Variants in MAU2 observed in about 807,000 individuals in gnomAD.
MAU2 encodes MAU2 chromatid cohesion factor homolog.
In MAU2, 9 loss-of-function variants were observed where a neutral mutation model predicts 89.1. The ratio of observed to expected loss-of-function variants is 0.10; its 90% CI spans 0.06 to 0.18. MAU2 has a LOEUF of 0.18. Ranked by LOEUF, MAU2 falls within the 10% of genes least tolerant of loss-of-function variation. The probability of loss-of-function intolerance (pLI) is 1.00; values close to 1 mark genes in which losing one functional copy is unlikely to be tolerated. For synonymous variants in MAU2, 357 were observed against 343.4 expected (o/e 1.04, Z -0.44); for missense variants, 425 against 803.5 (o/e 0.53, Z 5.69).
At chr19:19,354,667 G>A in intron 17 of MAU2, 1 of 568,886 alleles carries the variant, frequency 1.8e-6, no homozygotes, top group Non-Finnish European at 3.2e-6. Context: ...AGTCTCTATA[G>A]GACACAGAGG....
chr19:19,324,218 A>G (rs980586437), intron 1 of MAU2, among the ~76,000 whole-genome samples: 3 of 152,156 alleles, frequency 2.0e-5, no homozygotes, highest in African/African-American at 7.2e-5. Flanking sequence ...AGGTAGTGAG[A>G]GAGTCTCTAT....
rs539376945 is a variant in MAU2, at chr19:19,348,321, G to A, written c.1309-568G>A. 17 of 181,894 alleles carry A rather than the reference G, an allele frequency of 9.3e-5. No homozygotes were observed. In the East Asian group the frequency reaches 3.0e-3, roughly 32 times the overall value. The allele number at this position is 181,894 out of a possible 1,614,324, so 11.3% of individuals were successfully genotyped here. On this transcript the variant is annotated intron_variant, in intron 13 of 18. Coordinates refer to ENST00000262815, the MANE Select transcript of MAU2 (RefSeq NM_015329.4). ...GAGGGCTGCAGTGAGCCATGATCCA[G>A]CCACTGCACTCCAGCCTGGGCGACA...
chr19:19,348,829 C>CT, intron 13 of MAU2, 60 bp from the exon 14 acceptor site: 1 of 1,568,050 alleles, frequency 6.4e-7, no homozygotes. Context: ...TGCAGTGTGT[C>CT]TTGGGGACCT....
intron 1 of MAU2, among the ~76,000 whole-genome samples, chr19:19,328,144 A>T (rs1306720546): frequency 6.7e-6 from 1 of 150,092 alleles, no homozygotes; most frequent in Non-Finnish European, 1.5e-5. Context: ...TGGGTGACAG[A>T]GAGAGACCCT....
At chr19:19,354,037 A>G (rs1166188399) in intron 16 of MAU2, 2 of 392,806 alleles carry the variant, frequency 5.1e-6, no homozygotes, top group Non-Finnish European at 9.7e-6. Flanking sequence ...ATCAGCCCCC[A>G]TTGTGGGTCT....
chr19:19,327,759 C>T (rs564438926), intron 1 of MAU2, among the ~76,000 whole-genome samples: 7 of 152,012 alleles, frequency 4.6e-5, no homozygotes, highest in Admixed American at 1.3e-4. Flanking sequence ...ACCTGCCGGC[C>T]GCCTTGTTCC....
intron 16 of MAU2, among the ~76,000 whole-genome samples, chr19:19,350,057 G>A (rs915443109): frequency 2.0e-5 from 3 of 150,898 alleles, no homozygotes; most frequent in Admixed American, 6.6e-5. Flanking sequence ...CACTTTGGGA[G>A]GCCAAGGCGG....
rs2061645697 is a variant in MAU2 at position 19,341,407 on chromosome 19, G to A, written c.735G>A (p.Gln245=). 6.2e-7 allele frequency: 1 copy of A among 1,613,478 alleles called. No homozygotes were observed. The highest frequency in any genetic ancestry group is 8.5e-7 in the Non-Finnish European group (1 of 1,179,966). Residue 245 remains glutamine, a splice_region_variant and synonymous_variant, in exon 7 of 19, where the codon CAG becomes CAA. Coordinates refer to ENST00000262815, the MANE Select transcript of MAU2 (RefSeq NM_015329.4). ...TCACCCACTATCTGGATGCCGGGCAGGTGTGTGGCGCCTCTCAGGCGAGCT... is the reference window on the plus strand; with the variant it reads ...TCACCCACTATCTGGATGCCGGGCAAGTGTGTGGCGCCTCTCAGGCGAGCT... ...LQVTHYLDAG[Q]VKSVKPCLKQ...
At position 19,355,897 on chromosome 19, in the gene MAU2, C is replaced by G; in HGVS notation, c.*115C>G. ...CCTTCCTGATTGTCTCTAGAGCTTC[C>G]AAGTCCTGGGAATGTGCGGGGCCAG... is the stretch of plus-strand genomic sequence containing the variant. On this transcript the variant is annotated 3_prime_UTR_variant, in exon 19 of 19. Transcript: ENST00000262815. 1 of 1,050,180 alleles carries G rather than the reference C, an allele frequency of 9.5e-7. No homozygotes were observed. The highest frequency in any genetic ancestry group is 1.3e-5 in the South Asian group (1 of 78,492). 65.1% of individuals were successfully genotyped at this position (1,050,180 alleles called of 1,614,324 possible). A position where few individuals can be genotyped will look rare whatever the true frequency, so the allele number is the denominator to read the frequency against.
intron 4 of MAU2, among the ~76,000 whole-genome samples, chr19:19,337,542 G>A (rs1040046710): frequency 8.5e-5 from 13 of 152,246 alleles, no homozygotes; most frequent in Non-Finnish European, 1.3e-4. Context: ...CACTGACAGC[G>A]GGCCTGCTGC....
At chr19:19,340,418 T>C (rs1275179046) in intron 5 of MAU2, among the ~76,000 whole-genome samples, 1 of 151,738 alleles carries the variant, frequency 6.6e-6, no homozygotes, top group Non-Finnish European at 1.5e-5. Flanking sequence ...GGCGGGTGGA[T>C]CACGAGGTCA....
chr19:19,335,810 A>T (rs1007798872), intron 2 of MAU2, 75 bp downstream of exon 2: 1 of 1,531,258 alleles, frequency 6.5e-7, no homozygotes, highest in African/African-American at 1.4e-5. Flanking sequence ...CAAAGCTTGA[A>T]TCCCACCTCC....
chr19:19,339,874 A>G (rs1165124270), intron 5 of MAU2, among the ~76,000 whole-genome samples: 2 of 151,890 alleles, frequency 1.3e-5, no homozygotes, highest in Non-Finnish European at 2.9e-5. Flanking sequence ...AAATATAAAA[A>G]TTAGCCAGGC....
intron 12 of MAU2, among the ~76,000 whole-genome samples, chr19:19,346,327 C>T (rs922743746): frequency 6.6e-6 from 1 of 152,126 alleles, no homozygotes; most frequent in African/African-American, 2.4e-5. Context: ...GTCTCCGTCT[C>T]ACTCCCCACA....
Position 19,343,904 on chromosome 19 carries a change from C to A in MAU2, c.1041C>A (p.Arg347=). The A allele has an allele frequency of 6.2e-7, 1 of 1,613,372 alleles. No homozygotes were observed. Among genetic ancestry groups the A allele is most frequent in the Non-Finnish European group, 8.5e-7 (1 of 1,180,012 alleles). Residue 347 remains arginine, a synonymous_variant, in exon 10 of 19, where the codon CGC becomes CGA. Coordinates refer to ENST00000262815, the MANE Select transcript of MAU2 (RefSeq NM_015329.4). ...VILLEHIIMC[R]LVTGHKATAL... ...TGCTGGAGCACATCATCATGTGCCG[C>A]CTTGTCACGGGTCACAAGGCCACGG...
Position 19,327,590 on chromosome 19 carries a change from G to T in MAU2, c.276+6455G>T, listed in dbSNP as rs148345090. ...TCCACCCGCCTCGACCTGCCAAAGT[G>T]CTGGGATTACAGGCGTGAGCCACTG... On this transcript the variant is annotated intron_variant, in intron 1 of 18. Transcript: ENST00000262815. 4.5e-3 allele frequency among the ~76,000 whole-genome samples: 692 copies of T among 152,234 alleles called. 3 individuals are homozygous for T. The highest frequency in any genetic ancestry group is 0.031 in the South Asian group (150 of 4,822).
Position 19,342,543 on chromosome 19 carries a change from C to A in MAU2, c.744C>A (p.Ser248Arg). The A allele has an allele frequency of 6.3e-7, 1 of 1,588,748 alleles. No individual in the cohort carries two copies. The highest frequency in any genetic ancestry group is 8.6e-7 in the Non-Finnish European group (1 of 1,167,044). Reference sequence around the variant, plus strand: ...GTGTGGGTGCTGCACAGGTGAAGAGCGTGAAGCCGTGTCTGAAGCAGCTGC... The same window carrying A: ...GTGTGGGTGCTGCACAGGTGAAGAGAGTGAAGCCGTGTCTGAAGCAGCTGC... Reference protein sequence around the residue: ...THYLDAGQVKSVKPCLKQLQQ... With the variant: ...THYLDAGQVKRVKPCLKQLQQ... Residue 248 changes from serine to arginine, a missense_variant, in exon 8 of 19, where the codon AGC becomes AGA. Around this residue, in one of 11 missense-constraint regions of MAU2, gnomAD observed 119 missense variants for 299.8 expected, o/e 0.40. Transcript: ENST00000262815.
intron 9 of MAU2, 96 bp downstream of exon 9, chr19:19,342,962 G>A: frequency 7.5e-7 from 1 of 1,331,544 alleles, no homozygotes; most frequent in Admixed American, 1.7e-5. Flanking sequence ...GACCCTGTGT[G>A]ACCGCAGCGC....
chr19:19,346,575 C>T (rs145761126), intron 12 of MAU2, among the ~76,000 whole-genome samples: 24 of 152,266 alleles, frequency 1.6e-4, no homozygotes, highest in Non-Finnish European at 2.4e-4. Flanking sequence ...GGAAGATCCT[C>T]TGGGCCTCCT....
Sources: allele counts gnomAD v4.1 joint callset (sites outside exome capture counted in the v4.1 genomes callset), GRCh38; gene constraint gnomAD v4.1.1; regional missense constraint gnomAD v4.1.1; transcripts MANE v1.5; gene names NCBI Gene and HGNC (gene_info 2026-07-23, HGNC 2026-07-21).